The following SCP2 variants were observed in gnomAD, a reference collection of about 807,000 sequenced individuals.
SCP2 encodes SCP-2/3-oxoacyl-CoA thiolase.
SCP2 carries 48 observed loss-of-function variants against 71.4 expected under a neutral mutation model. The observed-to-expected ratio is 0.67, with a 90% confidence interval of 0.53 to 0.86. The LOEUF (loss-of-function observed/expected upper bound fraction) is 0.86. Among genes scored for constraint, SCP2 ranks in the 40% least tolerant of loss-of-function variants. The pLI, the probability that SCP2 is intolerant of heterozygous loss-of-function variation, is 0.00. For synonymous variants in SCP2, 220 were observed against 218.1 expected (o/e 1.01, Z -0.08); for missense variants, 560 against 655.6 (o/e 0.85, Z 1.59).
At chr1:53,006,288 G>C (rs1314374960) in intron 11 of SCP2, among the ~76,000 whole-genome samples, 2 of 152,062 alleles carry the variant, frequency 1.3e-5, no homozygotes, top group African/African-American at 4.8e-5. Context: ...ACGCCACAAA[G>C]ATACTCCTCG....
intron 3 of SCP2, among the ~76,000 whole-genome samples, chr1:52,949,637 C>T (rs1173582447): frequency 6.6e-6 from 1 of 151,964 alleles, no homozygotes; most frequent in Non-Finnish European, 1.5e-5. Flanking sequence ...TTAAAAGAGG[C>T]AAAGGCAGAG....
chr1:52,976,811 G>A (rs749852333), intron 8 of SCP2, 42 bp downstream of exon 8: 39 of 999,822 alleles, frequency 3.9e-5, no homozygotes, highest in Non-Finnish European at 5.8e-5. Flanking sequence ...GGAAGTAACT[G>A]CTGCCCTTCC....
intron 13 of SCP2, among the ~76,000 whole-genome samples, chr1:53,037,233 T>G (rs72903185): frequency 6.6e-6 from 1 of 152,100 alleles, no homozygotes; most frequent in African/African-American, 2.4e-5. Flanking sequence ...TAAATGTTCC[T>G]TCTCTAAAAA....
chr1:52,927,439 T>G lies in SCP2; in HGVS notation c.43T>G (p.Phe15Val). The G allele has an allele frequency of 6.2e-7, 1 of 1,602,908 alleles. No homozygotes were observed. The highest frequency in any genetic ancestry group is 8.5e-7 in the Non-Finnish European group (1 of 1,175,596). ...GGAGCCTGCGACCCTGCGCCGGGTG[T>G]TCGTGGTGGGGGTTGGCATGACCAA... ...PWEPATLRRV[F>V]VVGVGMTKFV... Residue 15 changes from phenylalanine (F) to valine (V), a missense_variant, in exon 1 of 16, where the codon TTC (phenylalanine) becomes GTC (valine). Coordinates refer to ENST00000371514, the MANE Select transcript of SCP2 (RefSeq NM_002979.5).
At chr1:53,019,989 C>T (rs139437468) in intron 12 of SCP2, among the ~76,000 whole-genome samples, 1,543 of 152,248 alleles carry the variant, frequency 0.01, 34 homozygotes, top group African/African-American at 0.035. Context: ...TGGGTTCATG[C>T]AATTCTTGTG....
intron 13 of SCP2, among the ~76,000 whole-genome samples, chr1:53,036,565 A>C (rs1182639241): frequency 1.3e-5 from 2 of 148,972 alleles, no homozygotes; most frequent in East Asian, 3.9e-4. Context: ...AGCATATATA[A>C]ATCTTATATA....
intron 12 of SCP2, among the ~76,000 whole-genome samples, chr1:53,025,247 C>A (rs970165915): frequency 2.6e-5 from 4 of 152,118 alleles, no homozygotes; most frequent in Admixed American, 2.0e-4. Context: ...TTTCCTCTTG[C>A]ATCACTGGCT....
intron 11 of SCP2, among the ~76,000 whole-genome samples, chr1:53,007,732 G>A (rs1208015272): frequency 6.6e-6 from 1 of 152,042 alleles, no homozygotes; most frequent in Non-Finnish European, 1.5e-5. Flanking sequence ...AGAAGCAAGA[G>A]CAAACACATT....
chr1:53,002,143 C>T (rs1347890340), intron 11 of SCP2, among the ~76,000 whole-genome samples: 33 of 150,600 alleles, frequency 2.2e-4, no homozygotes, highest in Admixed American at 1.8e-3. Context: ...GCCGAGATCA[C>T]GCCACTGCAC....
At chr1:53,037,576 G>GT (rs915779810) in intron 13 of SCP2, among the ~76,000 whole-genome samples, 4 of 151,774 alleles carry the variant, frequency 2.6e-5, no homozygotes, top group African/African-American at 9.7e-5. Context: ...ATAGGTCTGA[G>GT]TTTTTTTTCT....
intron 4 of SCP2, among the ~76,000 whole-genome samples, chr1:52,953,246 T>C (rs1226996851): frequency 2.0e-5 from 3 of 152,132 alleles, no homozygotes; most frequent in Non-Finnish European, 4.4e-5. Flanking sequence ...TAAATTAGCT[T>C]TTTATATTCA....
At chr1:53,025,986 C>T (rs1662104176) in intron 12 of SCP2, among the ~76,000 whole-genome samples, 1 of 152,184 alleles carries the variant, frequency 6.6e-6, no homozygotes, top group African/African-American at 2.4e-5. Context: ...TTTTAACATA[C>T]TCCTTTCTCC....
intron 14 of SCP2, among the ~76,000 whole-genome samples, chr1:53,041,357 G>A (rs1362548182): frequency 6.6e-6 from 1 of 150,930 alleles, no homozygotes; most frequent in African/African-American, 2.4e-5. Context: ...AGCCGAGATG[G>A]CACCATTGCA....
intron 11 of SCP2, chr1:52,995,371 C>G (rs1436524887): frequency 4.3e-6 from 2 of 469,782 alleles, no homozygotes; most frequent in Non-Finnish European, 8.5e-6. Flanking sequence ...GCTGACCACA[C>G]CAAACTATGG....
intron 10 of SCP2, among the ~76,000 whole-genome samples, chr1:52,987,004 ATAT>A (rs1336281278): frequency 3.0e-4 from 28 of 93,742 alleles, no homozygotes; most frequent in African/African-American, 1.2e-3. Flanking sequence ...ATATATATAT[ATAT>A]TTTTTTTTTT....
intron 10 of SCP2, among the ~76,000 whole-genome samples, chr1:52,985,274 T>C (rs1658886524): frequency 6.6e-6 from 1 of 152,146 alleles, no homozygotes; most frequent in Admixed American, 6.5e-5. Flanking sequence ...AAGTCCAAAA[T>C]TGAGCTATGG....
chr1:52,947,018 G>A (rs373076497), intron 2 of SCP2, among the ~76,000 whole-genome samples: 153 of 141,610 alleles, frequency 1.1e-3, no homozygotes, highest in African/African-American at 3.6e-3. Context: ...CCGAGATCGC[G>A]CCCTTGCCCT....
At chr1:52,986,769 GT>G (rs1049081093) in intron 10 of SCP2, among the ~76,000 whole-genome samples, 6 of 151,012 alleles carry the variant, frequency 4.0e-5, no homozygotes, top group African/African-American at 7.3e-5. Context: ...TATCTGTGGG[GT>G]TTTTTTTCTA....
At chr1:52,948,133 C>T in intron 3 of SCP2, 53 bp downstream of exon 3, 1 of 1,085,282 alleles carries the variant, frequency 9.2e-7, no homozygotes, top group South Asian at 1.2e-5. Context: ...CTAGCAGCAA[C>T]TATACAAACA....
Sources: allele counts gnomAD v4.1 joint callset (sites outside exome capture counted in the v4.1 genomes callset), GRCh38; gene constraint gnomAD v4.1.1; transcripts MANE v1.5; gene names NCBI Gene and HGNC (gene_info 2026-07-23, HGNC 2026-07-21).